MARCHF7: variants seen among roughly 807,000 people sequenced by gnomAD.
MARCHF7 encodes the protein E3 ubiquitin-protein ligase MARCHF7.
Under a neutral mutation model 76.5 loss-of-function variants are expected in MARCHF7, and 20 were observed. That is an observed-to-expected ratio of 0.26 (90% CI 0.18 to 0.38). The LOEUF is 0.38. Among genes scored for constraint, MARCHF7 ranks in the 10% least tolerant of loss-of-function variants. The pLI is 1.00. For missense variants in MARCHF7, 797 were observed against 812.9 expected (o/e 0.98, Z 0.24); for synonymous variants, 295 against 293.0 (o/e 1.01, Z -0.07).
intron 4 of MARCHF7, among the ~76,000 whole-genome samples, chr2:159,738,346 C>T (rs887444610): frequency 6.6e-6 from 1 of 152,178 alleles, no homozygotes; most frequent in Non-Finnish European, 1.5e-5. Flanking sequence ...CCGTCCTTGT[C>T]GCCGGCAGCA....
At chr2:159,745,960 A>G (rs568199069) in intron 6 of MARCHF7, 23 bp downstream of exon 6, 5 of 1,580,458 alleles carry the variant, frequency 3.2e-6, no homozygotes, top group Non-Finnish European at 3.4e-6. Context: ...TACATCAAGT[A>G]TAACTTCTCA....
In MARCHF7 at chr2:159,768,770, T is replaced by C. The variant is rs1708033496; in HGVS notation, c.*1428T>C. The C allele has an allele frequency of 6.6e-6, 1 of 152,280 alleles. No homozygotes were observed. Among genetic ancestry groups the C allele is most frequent in the Non-Finnish European group, 1.5e-5 (1 of 68,010 alleles). The allele number at this position is 152,280 out of a possible 1,614,324, so 9.4% of individuals were successfully genotyped here. A position where few individuals can be genotyped will look rare whatever the true frequency, so the allele number is the denominator to read the frequency against. On this transcript the variant is annotated 3_prime_UTR_variant, in exon 12 of 12. Coordinates refer to ENST00000409175, the MANE Select transcript of MARCHF7 (RefSeq NM_001282805.2). ...AATATAAAATTTAAGGGTGGTAGTT[T>C]TAATATATTCTGTGGGTCCTAAGGG...
intron 3 of MARCHF7, among the ~76,000 whole-genome samples, chr2:159,718,662 C>A: frequency 6.6e-6 from 1 of 152,146 alleles, no homozygotes; most frequent in East Asian, 1.9e-4. Flanking sequence ...CAAGCTCTAC[C>A]TGGTAGGCAG....
At chr2:159,730,042 T>G (rs1702599339) in intron 4 of MARCHF7, among the ~76,000 whole-genome samples, 1 of 152,214 alleles carries the variant, frequency 6.6e-6, no homozygotes, top group South Asian at 2.1e-4. Flanking sequence ...CATCTACTCT[T>G]ATGTAGCTAG....
At chr2:159,713,098 T>G (rs1383776026) in intron 1 of MARCHF7, among the ~76,000 whole-genome samples, 1 of 152,188 alleles carries the variant, frequency 6.6e-6, no homozygotes, top group African/African-American at 2.4e-5. Flanking sequence ...CGAGTCGAAG[T>G]GACTTCGGTA....
At chr2:159,736,123 T>C (rs1703426043) in intron 4 of MARCHF7, among the ~76,000 whole-genome samples, 1 of 152,180 alleles carries the variant, frequency 6.6e-6, no homozygotes, top group African/African-American at 2.4e-5. Context: ...TGAGACCCTG[T>C]CTCTTAAAAT....
Position 159,743,196 on chromosome 2 carries a change from A to G in MARCHF7, c.289A>G (p.Thr97Ala), listed in dbSNP as rs1278761899. ...HDSKRPKLSC[T>A]NCTTSAGRNV... ...TTCAAAAAGACCTAAACTTTCCTGT[A>G]CAAACTGTACTACCTCAGCTGGGAG... Residue 97 changes from threonine to alanine, a missense_variant, in exon 5 of 12, where the codon ACA becomes GCA. Coordinates refer to ENST00000409175, the MANE Select transcript of MARCHF7 (RefSeq NM_001282805.2). The G allele has an allele frequency of 1.9e-6, 3 of 1,614,264 alleles. No individual in the cohort carries two copies. Among genetic ancestry groups the G allele is most frequent in the Non-Finnish European group, 8.5e-7 (1 of 1,180,058 alleles).
chr2:159,721,882 A>G (rs552656134), intron 3 of MARCHF7, among the ~76,000 whole-genome samples: 20 of 152,320 alleles, frequency 1.3e-4, no homozygotes, highest in African/African-American at 4.8e-4. Context: ...CTTGGAGCCC[A>G]CACCTACAAA....
At chr2:159,738,162 A>T (rs533786951) in intron 4 of MARCHF7, among the ~76,000 whole-genome samples, 1 of 152,180 alleles carries the variant, frequency 6.6e-6, no homozygotes, top group Admixed American at 6.5e-5. Context: ...CTGGTGCCCT[A>T]TGAGGCTGTG....
At chr2:159,764,700 C>T (rs1488761170) in intron 11 of MARCHF7, 26 bp downstream of exon 11, 1 of 1,579,352 alleles carries the variant, frequency 6.3e-7, no homozygotes, top group Non-Finnish European at 8.6e-7. Flanking sequence ...CCTCCCCAGA[C>T]TTGTTGAATT....
At chr2:159,743,357 G>A in intron 5 of MARCHF7, 104 bp downstream of exon 5, 1 of 1,053,048 alleles carries the variant, frequency 9.5e-7, no homozygotes, top group Non-Finnish European at 1.4e-6. Context: ...TGAAGACAGT[G>A]GGTCAGAAAT....
At chr2:159,722,929 C>T (rs895920379) in intron 3 of MARCHF7, among the ~76,000 whole-genome samples, 1 of 152,138 alleles carries the variant, frequency 6.6e-6, no homozygotes. Flanking sequence ...TTTAGTTCTG[C>T]AAGTAAGAAC....
rs184624749 is a variant in MARCHF7 at position 159,761,437 on chromosome 2, G to A, written c.1894-1443G>A. The stretch of plus-strand genomic sequence containing the variant: ...TTTTTTTTTTTTTTTTTTTTGAGAC[G>A]GAGTTTCACTCTTGTCACCCAGGCT... On this transcript the variant is annotated intron_variant, in intron 9 of 11. Transcript: ENST00000409175. Among the ~76,000 whole-genome samples the A allele has an allele frequency of 2.4e-4, 10 of 41,900 alleles. No individual in the cohort carries two copies. The East Asian group carries it at 3.8e-3, about 16-fold the overall frequency. 27.5% of individuals were successfully genotyped at this position (41,900 alleles called of 152,430 possible).
chr2:159,743,248 T>G lies in MARCHF7; in HGVS notation c.341T>G (p.Leu114Ter). Residue 114 changes from leucine (L) to a stop codon, truncating the protein, a stop_gained, in exon 5 of 12, where the codon TTA becomes TGA. Coordinates refer to ENST00000409175, the MANE Select transcript of MARCHF7 (RefSeq NM_001282805.2). LOFTEE classifies it high-confidence loss of function. ...GRNVGNGLNT[L>*]SDSSWRHSQV... ...AATGTTGGAAATGGTTTAAACACAT[T>G]ATCAGGTAAGAATGAGTTTCTGTAG... 6.2e-7 allele frequency: 1 copy of G among 1,612,794 alleles called. No homozygotes were observed. Among genetic ancestry groups the G allele is most frequent in the Non-Finnish European group, 8.5e-7 (1 of 1,179,198 alleles).
At chr2:159,728,303 T>C (rs1457062028) in intron 3 of MARCHF7, among the ~76,000 whole-genome samples, 1 of 152,226 alleles carries the variant, frequency 6.6e-6, no homozygotes, top group Non-Finnish European at 1.5e-5. Flanking sequence ...ATTGCTATTA[T>C]TTTTGTTATA....
rs1367422815 is a variant in MARCHF7, at chr2:159,767,289, G to A, written c.2062G>A (p.Glu688Lys). Residue 688 changes from glutamate (E) to lysine (K), a missense_variant, in exon 12 of 12, where the codon GAG becomes AAG. By Grantham distance (56) the Glu-to-Lys change is moderately conservative (BLOSUM62 1). Transcript: ENST00000409175. ...ATCCTGTTTTCTTTCAACAGCTTCAGAGGATGATTCCGAAGAAGACGGAGA... is the reference window on the plus strand; with the variant it reads ...ATCCTGTTTTCTTTCAACAGCTTCAAAGGATGATTCCGAAGAAGACGGAGA... ...QAHMEDLETS[E>K]DDSEEDGDHN... 6.2e-7 allele frequency: 1 copy of A among 1,609,774 alleles called. No homozygotes were observed. The highest frequency in any genetic ancestry group is 8.5e-7 in the Non-Finnish European group (1 of 1,177,236).
chr2:159,733,029 A>T (rs1035392222), intron 4 of MARCHF7: 29 of 632,324 alleles, frequency 4.6e-5, no homozygotes, highest in Admixed American at 3.8e-4. Flanking sequence ...GGTGTTACTA[A>T]TTATAATTAT....
chr2:159,731,102 C>T (rs1436993427), intron 4 of MARCHF7, among the ~76,000 whole-genome samples: 1 of 152,116 alleles, frequency 6.6e-6, no homozygotes, highest in Non-Finnish European at 1.5e-5. Flanking sequence ...CTATGTTGCC[C>T]AGGCAGGTCT....
chr2:159,733,171 T>C, intron 4 of MARCHF7: 1 of 769,782 alleles, frequency 1.3e-6, no homozygotes, highest in South Asian at 6.1e-5. Flanking sequence ...ATCCAAATAT[T>C]AAATTACATA....
Sources: gnomAD v4.1 joint callset for allele counts (sites outside exome capture counted in the v4.1 genomes callset) on GRCh38, gnomAD v4.1.1 for gene constraint, MANE v1.5 for transcripts, NCBI Gene and HGNC (gene_info 2026-07-23, HGNC 2026-07-21) for gene names.